The following RETREG1 variants were observed in gnomAD, a reference collection of about 807,000 sequenced individuals.
RETREG1 encodes the protein reticulophagy regulator 1.
In RETREG1, 44 loss-of-function variants were observed where a neutral mutation model predicts 54.8. The ratio of observed to expected loss-of-function variants is 0.80; its 90% confidence interval spans 0.63 to 1.03. The LOEUF (loss-of-function observed/expected upper bound fraction) is 1.03, where lower values mean the gene tolerates loss of function less well. Ranked by LOEUF, RETREG1 falls within the 50% of genes least tolerant of loss-of-function variation. RETREG1 has a pLI of 0.00. For missense variants in RETREG1, 554 were observed against 605.1 expected (o/e 0.92, Z 0.89); for synonymous variants, 217 against 238.5 (o/e 0.91, Z 0.83).
chr5:16,497,779 C>T lies in RETREG1; in HGVS notation c.459-14307G>A, dbSNP rs72744170. 9.7e-3 allele frequency among the ~76,000 whole-genome samples: 1,473 copies of T among 152,278 alleles called. 12 individuals carry two copies. The highest frequency in any genetic ancestry group is 0.017 in the Middle Eastern group (5 of 294). On this transcript the variant is annotated intron_variant, in intron 3 of 8. Transcript: ENST00000306320. Reference sequence around the variant, plus strand: ...TCTTTCCAGAAATTTCCCAACAAGGCCTCATGATCCTATTAGAGCTCCAGG... The same window carrying T: ...TCTTTCCAGAAATTTCCCAACAAGGTCTCATGATCCTATTAGAGCTCCAGG...
intron 3 of RETREG1, among the ~76,000 whole-genome samples, chr5:16,523,731 C>T (rs80297188): frequency 0.04 from 6,096 of 152,118 alleles, 422 homozygotes; most frequent in African/African-American, 0.14. Flanking sequence ...GGAGTATCAA[C>T]GTACAGTATT....
chr5:16,557,942 T>C (rs1440487891), intron 3 of RETREG1, among the ~76,000 whole-genome samples: 1 of 152,138 alleles, frequency 6.6e-6, no homozygotes, highest in Non-Finnish European at 1.5e-5. Flanking sequence ...ATGAGGGGTC[T>C]GCCTTCATGA....
At chr5:16,577,594 G>A (rs1579702069) in intron 1 of RETREG1, among the ~76,000 whole-genome samples, 2 of 151,974 alleles carry the variant, frequency 1.3e-5, no homozygotes, top group African/African-American at 2.4e-5. Context: ...TTATTTTACC[G>A]GTTTTTTCAA....
chr5:16,578,147 C>G (rs1015572573), intron 1 of RETREG1, among the ~76,000 whole-genome samples: 45 of 152,284 alleles, frequency 3.0e-4, no homozygotes, highest in African/African-American at 9.6e-4. Flanking sequence ...TTGGCACAAC[C>G]TTAGTTATTC....
intron 3 of RETREG1, among the ~76,000 whole-genome samples, chr5:16,498,529 A>G (rs1018470896): frequency 2.6e-5 from 4 of 152,204 alleles, no homozygotes; most frequent in African/African-American, 9.6e-5. Context: ...CCTGGGCAAC[A>G]TGGCAAAACC....
At chr5:16,537,169 G>C (rs952805344) in intron 3 of RETREG1, among the ~76,000 whole-genome samples, 5 of 152,148 alleles carry the variant, frequency 3.3e-5, no homozygotes, top group Admixed American at 6.5e-5. Flanking sequence ...GCACATAATA[G>C]GTTTCTGTAT....
Position 16,561,028 on chromosome 5 carries a change from G to A in RETREG1, c.458+4735C>T, listed in dbSNP as rs1741840464. Reference sequence around the variant, plus strand: ...TGCACCATCATACACTTCTCAGGCTGTATGGGGTACTTGCAACAGTTCACT... The same window carrying A: ...TGCACCATCATACACTTCTCAGGCTATATGGGGTACTTGCAACAGTTCACT... On this transcript the variant is annotated intron_variant, in intron 3 of 8. Coordinates refer to ENST00000306320, the MANE Select transcript of RETREG1 (RefSeq NM_001034850.3). The surrounding 1 kb of genome is among the most constrained non-coding windows in gnomAD (Gnocchi z 4.2). Among the ~76,000 whole-genome samples the A allele has an allele frequency of 6.6e-6, 1 of 152,164 alleles. No individual in the cohort carries two copies. Among genetic ancestry groups the A allele is most frequent in the Non-Finnish European group, 1.5e-5 (1 of 68,036 alleles).
At chr5:16,543,970 GTTTT>G (rs750605921) in intron 3 of RETREG1, among the ~76,000 whole-genome samples, 3 of 121,100 alleles carry the variant, frequency 2.5e-5, no homozygotes, top group Admixed American at 8.2e-5. Context: ...TTATTGCCAA[GTTTT>G]TTTTTTTTTT....
chr5:16,577,236 G>C (rs928643035), intron 1 of RETREG1, among the ~76,000 whole-genome samples: 2 of 150,514 alleles, frequency 1.3e-5, no homozygotes, highest in African/African-American at 4.9e-5. Flanking sequence ...TTGATCTTTT[G>C]TGTAGCCTAT....
At chr5:16,519,635 C>T (rs1354780216) in intron 3 of RETREG1, among the ~76,000 whole-genome samples, 1 of 152,172 alleles carries the variant, frequency 6.6e-6, no homozygotes, top group East Asian at 1.9e-4. Context: ...CACCCTGAGC[C>T]TCTGAAGCTT....
At chr5:16,541,739 G>A (rs368076181) in intron 3 of RETREG1, among the ~76,000 whole-genome samples, 20 of 102,222 alleles carry the variant, frequency 2.0e-4, no homozygotes, top group African/African-American at 3.6e-4. Context: ...GAGGGAGGGA[G>A]GGAAGGAAGG....
intron 1 of RETREG1, among the ~76,000 whole-genome samples, chr5:16,615,099 A>G (rs1267376823): frequency 6.6e-6 from 1 of 152,178 alleles, no homozygotes; most frequent in Non-Finnish European, 1.5e-5. Flanking sequence ...ATTTAAAATT[A>G]AGAAATAAAA....
At chr5:16,483,759 T>C (rs559945829) in intron 3 of RETREG1, among the ~76,000 whole-genome samples, 9 of 152,192 alleles carry the variant, frequency 5.9e-5, no homozygotes, top group East Asian at 1.9e-4. Context: ...AACTCAGATA[T>C]GGGATGGATC....
Position 16,477,767 on chromosome 5 carries a change from T to C in RETREG1, c.895A>G (p.Lys299Glu). Residue 299 changes from lysine to glutamate, a missense_variant, in exon 8 of 9, where the codon AAA (lysine) becomes GAA (glutamate). By Grantham distance (56) the Lys-to-Glu change is moderately conservative (BLOSUM62 1). Transcript: ENST00000306320. ...TCTGTGTCAGACACAGATAACTCTTTGGCAGCAACCGTGAGGCTAATCTGT... is the reference window on the plus strand; with the variant it reads ...TCTGTGTCAGACACAGATAACTCTTCGGCAGCAACCGTGAGGCTAATCTGT... ...CPKISLTVAA[K>E]ELSVSDTDVS... 1 of 1,613,460 alleles carries C rather than the reference T, an allele frequency of 6.2e-7. No individual in the cohort carries two copies. The highest frequency in any genetic ancestry group is 8.5e-7 in the Non-Finnish European group (1 of 1,179,580).
intron 3 of RETREG1, among the ~76,000 whole-genome samples, chr5:16,529,145 A>G (rs1740831639): frequency 6.6e-6 from 1 of 152,210 alleles, no homozygotes; most frequent in Admixed American, 6.5e-5. Context: ...AATAAAAAAT[A>G]AAGTATGGGG....
intron 3 of RETREG1, among the ~76,000 whole-genome samples, chr5:16,565,512 C>G (rs1472065893): frequency 1.3e-5 from 2 of 152,162 alleles, no homozygotes; most frequent in East Asian, 3.9e-4. Context: ...CTTCCAAATC[C>G]TCACACATGA....
In RETREG1 at chr5:16,565,970, G is replaced by A. The variant is rs75553033; in HGVS notation, c.428-177C>T. Among the ~76,000 whole-genome samples the A allele has an allele frequency of 0.011, 1,697 of 152,242 alleles. 42 individuals are homozygous for A. Among genetic ancestry groups the A allele is most frequent in the African/African-American group, 0.038 (1,582 of 41,536 alleles). Reference sequence around the variant, plus strand: ...GCACCATGGCTAATTCAGGCAATTCGTCCACATATACTTATTGAGATCCTA... The same window carrying A: ...GCACCATGGCTAATTCAGGCAATTCATCCACATATACTTATTGAGATCCTA... On this transcript the variant is annotated intron_variant, in intron 2 of 8. Coordinates refer to ENST00000306320, the MANE Select transcript of RETREG1 (RefSeq NM_001034850.3).
At chr5:16,588,775 T>C (rs774277457) in intron 1 of RETREG1, among the ~76,000 whole-genome samples, 1 of 152,256 alleles carries the variant, frequency 6.6e-6, no homozygotes, top group Non-Finnish European at 1.5e-5. Context: ...ATATACCGTG[T>C]CCTGGCCTAC....
intron 3 of RETREG1, among the ~76,000 whole-genome samples, chr5:16,525,242 T>C (rs1740671417): frequency 6.7e-6 from 1 of 148,990 alleles, no homozygotes; most frequent in African/African-American, 2.5e-5. Context: ...GACACTGTGC[T>C]GACCTGCATC....
Sources: gnomAD v4.1 joint callset for allele counts (sites outside exome capture counted in the v4.1 genomes callset) on GRCh38, gnomAD v4.1.1 for gene constraint, Gnocchi (gnomAD v3.1) non-coding constraint, MANE v1.5 for transcripts, NCBI Gene and HGNC (gene_info 2026-07-23, HGNC 2026-07-21) for gene names.